Variants in WDR31 observed in about 807,000 individuals in gnomAD.
The protein encoded by WDR31 is WD repeat domain 31.
WDR31 carries 30 observed loss-of-function variants against 47.3 expected under a neutral mutation model. The ratio of observed to expected loss-of-function variants is 0.63; its 90% CI spans 0.47 to 0.86. The LOEUF (loss-of-function observed/expected upper bound fraction) is 0.86, where lower values mean the gene tolerates loss of function less well. Ranked by LOEUF, WDR31 falls within the 40% of genes least tolerant of loss-of-function variation. The probability of loss-of-function intolerance (pLI) is 0.00; values close to 1 mark genes in which losing one functional copy is unlikely to be tolerated. For missense variants in WDR31, 406 were observed against 442.9 expected (o/e 0.92, Z 0.75); for synonymous variants, 137 against 159.4 (o/e 0.86, Z 1.06).
At chr9:113,337,305 A>G (rs895252862) in intron 1 of WDR31, among the ~76,000 whole-genome samples, 1 of 152,132 alleles carries the variant, frequency 6.6e-6, no homozygotes, top group African/African-American at 2.4e-5. Context: ...TATGTTTTAT[A>G]TTTATTAACT....
chr9:113,338,750 C>A (rs1354842661), intron 1 of WDR31, among the ~76,000 whole-genome samples: 1 of 151,982 alleles, frequency 6.6e-6, no homozygotes, highest in African/African-American at 2.4e-5. Context: ...TCCTGAGTAG[C>A]TGGGATTACA....
intron 2 of WDR31, among the ~76,000 whole-genome samples, chr9:113,334,736 T>TTTTTAGGG (rs1833682153): frequency 6.8e-6 from 1 of 147,036 alleles, no homozygotes; most frequent in Non-Finnish European, 1.5e-5. Context: ...TTTGTATTTT[T>TTTTTAGGG]AGTAGAGACA....
intron 4 of WDR31, among the ~76,000 whole-genome samples, chr9:113,329,316 T>A (rs567494490): frequency 4.0e-5 from 6 of 151,716 alleles, no homozygotes; most frequent in African/African-American, 1.4e-4. Context: ...TAGTACTGTA[T>A]TTTTTTGTTG....
At chr9:113,317,737 G>A (rs1461306925) in intron 10 of WDR31, among the ~76,000 whole-genome samples, 2 of 152,240 alleles carry the variant, frequency 1.3e-5, no homozygotes, top group Non-Finnish European at 2.9e-5. Context: ...AGGCAATGCT[G>A]TTTCTGTCTG....
rs150371641 is a variant in WDR31 at position 113,335,370 on chromosome 9, C to T, written c.-29+918G>A. 4.3e-4 allele frequency among the ~76,000 whole-genome samples: 65 copies of T among 152,304 alleles called. No homozygotes were observed. In the East Asian group the frequency reaches 7.5e-3, roughly 18 times the overall value. ...ACTACTCCATGTCATGTGTCCCCTG[C>T]GACTGGCTGTGATATCAGATAGCTG... On this transcript the variant is annotated intron_variant, in intron 2 of 10. Coordinates refer to ENST00000374193, the MANE Select transcript of WDR31 (RefSeq NM_001012361.4).
At chr9:113,326,408 C>T (rs908592792) in intron 5 of WDR31, among the ~76,000 whole-genome samples, 2 of 146,708 alleles carry the variant, frequency 1.4e-5, no homozygotes, top group Non-Finnish European at 3.0e-5. Context: ...TCCTTCTTTC[C>T]GTCCTTCTTT....
chr9:113,334,946 C>T (rs62576148), intron 2 of WDR31, among the ~76,000 whole-genome samples: 15,245 of 151,960 alleles, frequency 0.1, 1,035 homozygotes, highest in East Asian at 0.29. Flanking sequence ...GAGCAGGATT[C>T]GAACTCAATC....
chr9:113,318,622 G>A lies in WDR31; in HGVS notation c.796C>T (p.Gln266Ter), dbSNP rs1402492210. 1.2e-6 allele frequency: 2 copies of A among 1,614,082 alleles called. No homozygotes were observed. Among genetic ancestry groups the A allele is most frequent in the South Asian group, 1.1e-5 (1 of 91,082 alleles). ...GCEATLWDLRQTRNRICEYKG... is the reference protein window; with the variant it reads ...GCEATLWDLR ...TACTCACATATTCTGTTTCGAGTCT[G>A]TCTTAGGTCCCACAACTGCAAAGTA... is the stretch of plus-strand genomic sequence containing the variant. The change falls in exon 10 of 11, where the codon CAG becomes TAG. Residue 266 changes from glutamine (Q) to a stop codon, truncating the protein, a stop_gained. Transcript: ENST00000374193. LOFTEE classifies it high-confidence loss of function.
chr9:113,335,877 G>A (rs1833705618), intron 2 of WDR31, among the ~76,000 whole-genome samples: 2 of 152,166 alleles, frequency 1.3e-5, no homozygotes, highest in East Asian at 1.9e-4. Flanking sequence ...AAGGTCTCTC[G>A]TTATTCATCT....
At chr9:113,324,324 G>A (rs1032627255) in intron 5 of WDR31, among the ~76,000 whole-genome samples, 10 of 151,712 alleles carry the variant, frequency 6.6e-5, no homozygotes, top group African/African-American at 1.2e-4. Context: ...TTTTGTGTCC[G>A]GCTCTTACTT....
chr9:113,318,072 C>G (rs1203581750), intron 10 of WDR31, among the ~76,000 whole-genome samples: 1 of 152,220 alleles, frequency 6.6e-6, no homozygotes, highest in Non-Finnish European at 1.5e-5. Context: ...ACTTCAGCTA[C>G]AGAATCAAAA....
At chr9:113,339,544 A>G (rs1207684452) in intron 1 of WDR31, among the ~76,000 whole-genome samples, 3 of 152,168 alleles carry the variant, frequency 2.0e-5, no homozygotes, top group African/African-American at 7.2e-5. Flanking sequence ...TGGTACAGAT[A>G]GGGGAAACCG....
intron 3 of WDR31, among the ~76,000 whole-genome samples, 200 bp from the exon 4 acceptor site, chr9:113,331,316 C>T (rs1703219939): frequency 6.6e-6 from 1 of 152,122 alleles, no homozygotes; most frequent in Admixed American, 6.5e-5. Context: ...TGCAGAATGA[C>T]TGAAGGACTG....
At chr9:113,325,454 T>A (rs1231813647) in intron 5 of WDR31, among the ~76,000 whole-genome samples, 1 of 152,088 alleles carries the variant, frequency 6.6e-6, no homozygotes, top group Non-Finnish European at 1.5e-5. Flanking sequence ...TATAAAATTG[T>A]ATATTTGTTT....
intron 5 of WDR31, among the ~76,000 whole-genome samples, 160 bp downstream of exon 5, chr9:113,328,721 A>G (rs1479223609): frequency 6.6e-6 from 1 of 152,260 alleles, no homozygotes. Flanking sequence ...AACTAAGTGA[A>G]TGGTTTGCTC....
Position 113,323,088 on chromosome 9 carries a change from T to A in WDR31, c.392A>T (p.Asp131Val). Residue 131 changes from aspartate to valine, a missense_variant, in exon 6 of 11, where the codon GAC becomes GTC. Coordinates refer to ENST00000374193, the MANE Select transcript of WDR31 (RefSeq NM_001012361.4). ...ASRDRMVMMWDLHGSSQPRQQ... is the reference protein window; with the variant it reads ...ASRDRMVMMWVLHGSSQPRQQ... ...CCTTGGTTGTGAGGAACCGTGCAAGTCCCACATCATGACCATCCTGTCACG... is the reference window on the plus strand; with the variant it reads ...CCTTGGTTGTGAGGAACCGTGCAAGACCCACATCATGACCATCCTGTCACG... 6.2e-7 allele frequency: 1 copy of A among 1,614,106 alleles called. No homozygotes were observed. The highest frequency in any genetic ancestry group is 8.5e-7 in the Non-Finnish European group (1 of 1,180,032).
At position 113,326,876 on chromosome 9, in the gene WDR31, G is replaced by A. The variant is rs186085098; in HGVS notation, c.324+2005C>T. 4.2e-4 allele frequency among the ~76,000 whole-genome samples: 63 copies of A among 151,526 alleles called. No homozygotes were observed. The East Asian group carries it at 9.7e-3, about 23-fold the overall frequency. ...TTTGAGACTAAGATCTTGCTCTGTC[G>A]CCAAGGCTGGATGCAGTGAAATCAT... On this transcript the variant is annotated intron_variant, in intron 5 of 10. Coordinates refer to ENST00000374193, the MANE Select transcript of WDR31 (RefSeq NM_001012361.4).
intron 1 of WDR31, among the ~76,000 whole-genome samples, chr9:113,338,953 C>T (rs908586140): frequency 2.0e-5 from 3 of 152,110 alleles, no homozygotes; most frequent in Non-Finnish European, 4.4e-5. Flanking sequence ...ACAACATAAG[C>T]GCCCTTTTAA....
At chr9:113,320,572 A>G (rs112783003) in intron 8 of WDR31, 74 bp from the exon 9 acceptor site, 3 of 1,549,138 alleles carry the variant, frequency 1.9e-6, no homozygotes, top group East Asian at 2.3e-5. Context: ...CCCACTACCA[A>G]AAAAGTCTTG....
Sources: gnomAD v4.1 joint callset for allele counts (sites outside exome capture counted in the v4.1 genomes callset) on GRCh38, gnomAD v4.1.1 for gene constraint, MANE v1.5 for transcripts, NCBI Gene and HGNC (gene_info 2026-07-23, HGNC 2026-07-21) for gene names.